The following PIWIL1 variants were observed in gnomAD, a reference collection of about 807,000 sequenced individuals.
PIWIL1 encodes piwi-like protein 1.
A neutral mutation model predicts 114.4 loss-of-function variants in PIWIL1; 73 were observed. The observed-to-expected ratio is 0.64, with a 90% CI of 0.53 to 0.78. The LOEUF is 0.78. Ranked by LOEUF, PIWIL1 falls within the 30% of genes least tolerant of loss-of-function variation. The probability of loss-of-function intolerance (pLI) is 0.00; values close to 1 mark genes in which losing one functional copy is unlikely to be tolerated. For synonymous variants in PIWIL1, 375 were observed against 369.0 expected, an observed-to-expected ratio of 1.02 and a Z score of -0.19; for missense variants, 723 against 1,063.1, an observed-to-expected ratio of 0.68 and a Z score of 4.45.
chr12:130,377,523 A>G (rs1162320918), downstream of PIWIL1, among the ~76,000 whole-genome samples: 3 of 152,226 alleles, frequency 2.0e-5, no homozygotes, highest in Non-Finnish European at 2.9e-5. Flanking sequence ...CCGTCCAGAC[A>G]GGCGAAAAAG....
chr12:130,346,062 C>T (rs2073060889), intron 4 of PIWIL1, among the ~76,000 whole-genome samples, 184 bp downstream of exon 4: 4 of 152,314 alleles, frequency 2.6e-5, no homozygotes, highest in Middle Eastern at 3.4e-3. Context: ...TTTGAAACGT[C>T]ATCTCATTAA....
the PIWIL1 span, among the ~76,000 whole-genome samples, chr12:130,411,925 G>C: frequency 6.6e-6 from 1 of 152,044 alleles, no homozygotes. Flanking sequence ...AGCTAATCAA[G>C]TTTTGAAGTA....
At position 130,362,864 on chromosome 12, in the gene PIWIL1, ACT is replaced by A. The variant is rs1565953604; in HGVS notation, c.2041+33_2041+34del. 4 of 1,611,654 alleles carry A rather than the reference ACT, an allele frequency of 2.5e-6. No homozygotes were observed. In the East Asian group the frequency reaches 8.9e-5, roughly 36 times the overall value. On this transcript the variant is annotated intron_variant, in intron 17 of 20. Coordinates refer to ENST00000245255, the MANE Select transcript of PIWIL1 (RefSeq NM_004764.5). ...TAGTCACCTGTGGGGTTGCCATTCT[ACT>A]CTCTAAACTGGGGTCTTCCAGAAAT...
At position 130,349,327 on chromosome 12, in the gene PIWIL1, C is replaced by T. The variant is rs1358760893; in HGVS notation, c.823C>T (p.Arg275Ter). The change falls in exon 8 of 21, where the codon CGA becomes TGA. Residue 275 changes from arginine (R) to a stop codon, truncating the protein, a stop_gained. Coordinates refer to ENST00000245255, the MANE Select transcript of PIWIL1 (RefSeq NM_004764.5). LOFTEE classifies it high-confidence loss of function. ...CACTGACGTTAGCCATAAAGTCCTTCGAAGTGAGACTGTTTTGGATTTCAT... is the reference window on the plus strand; with the variant it reads ...CACTGACGTTAGCCATAAAGTCCTTTGAAGTGAGACTGTTTTGGATTTCAT... ...LCTDVSHKVL[R>*]SETVLDFMFN... 3 of 1,613,614 alleles carry T rather than the reference C, an allele frequency of 1.9e-6. No homozygotes were observed. Among genetic ancestry groups the T allele is most frequent in the South Asian group, 2.2e-5 (2 of 91,070 alleles).
At chr12:130,391,854 G>A in the PIWIL1 span, among the ~76,000 whole-genome samples, 1 of 152,132 alleles carries the variant, frequency 6.6e-6, no homozygotes, top group African/African-American at 2.4e-5. Flanking sequence ...CCTGATAAGG[G>A]CCTGTGACCA....
chr12:130,398,328 T>C, the PIWIL1 span: 1 of 152,354 alleles, frequency 6.6e-6, no homozygotes, highest in African/African-American at 2.4e-5. Flanking sequence ...AGAGCAACTC[T>C]TGCCATGTGA....
Position 130,371,800 on chromosome 12 carries a change from T to C in PIWIL1, c.*202T>C. 2.9e-6 allele frequency: 1 copy of C among 349,734 alleles called. No homozygotes were observed. The highest frequency in any genetic ancestry group is 5.8e-5 in the South Asian group (1 of 17,180). 21.7% of individuals were successfully genotyped at this position (349,734 alleles called of 1,614,324 possible). A position where few individuals can be genotyped will look rare whatever the true frequency, so the allele number is the denominator to read the frequency against. Reference sequence around the variant, plus strand: ...AAAATTAAGATTTTATATTTTATCTTCTTGTTTCTCATAGATATTTTGTGA... The same window carrying C: ...AAAATTAAGATTTTATATTTTATCTCCTTGTTTCTCATAGATATTTTGTGA... On this transcript the variant is annotated 3_prime_UTR_variant, in exon 21 of 21. Coordinates refer to ENST00000245255, the MANE Select transcript of PIWIL1 (RefSeq NM_004764.5).
At position 130,339,083 on chromosome 12, in the gene PIWIL1, C is replaced by T. The variant is rs58405779; in HGVS notation, c.-13+937C>T. 8.4e-3 allele frequency among the ~76,000 whole-genome samples: 1,281 copies of T among 152,166 alleles called. 20 individuals are homozygous for T. Among genetic ancestry groups the T allele is most frequent in the African/African-American group, 0.03 (1,234 of 41,510 alleles). ...TGCGGAGGGCGAGGGCCCCTTCCCG[C>T]GTCCGCCGCCGCTGCGCTGCGCCCC... is the stretch of plus-strand genomic sequence containing the variant. On this transcript the variant is annotated intron_variant, in intron 1 of 20. Transcript: ENST00000245255.
In PIWIL1 at chr12:130,367,114, A is replaced by G. The variant is rs1472701789; in HGVS notation, c.2196-19A>G. ...AATATGACTGGCTAAATGCAGTTAC[A>G]TTCATCATCATTTTTAAGCCCTAGA... is the stretch of plus-strand genomic sequence containing the variant. On this transcript the variant is annotated intron_variant, in intron 18 of 20. Coordinates refer to ENST00000245255, the MANE Select transcript of PIWIL1 (RefSeq NM_004764.5). The G allele has an allele frequency of 1.2e-6, 2 of 1,612,942 alleles. No individual in the cohort carries two copies. Among genetic ancestry groups the G allele is most frequent in the Admixed American group, 1.7e-5 (1 of 59,914 alleles).
intron 19 of PIWIL1, among the ~76,000 whole-genome samples, chr12:130,370,857 G>A (rs1464996928): frequency 6.6e-6 from 1 of 152,202 alleles, no homozygotes; most frequent in African/African-American, 2.4e-5. Flanking sequence ...GGGGGTCGGG[G>A]TGGAAAACAG....
At chr12:130,417,349 C>G in the PIWIL1 span, among the ~76,000 whole-genome samples, 1 of 152,198 alleles carries the variant, frequency 6.6e-6, no homozygotes, top group Non-Finnish European at 1.5e-5. Context: ...AGATGCTCAT[C>G]AACAGTGGAT....
the PIWIL1 span, chr12:130,399,149 G>T: frequency 7.2e-7 from 1 of 1,396,786 alleles, no homozygotes; most frequent in Non-Finnish European, 9.4e-7. Context: ...GGTGTGAAAT[G>T]AACACTCTTC....
At chr12:130,372,915 G>C (rs1402563488), downstream of PIWIL1, among the ~76,000 whole-genome samples, 1 of 152,196 alleles carries the variant, frequency 6.6e-6, no homozygotes, top group East Asian at 1.9e-4. Context: ...AATGTGATGA[G>C]TGTAAGCTTT....
chr12:130,344,364 T>C (rs926782944), intron 3 of PIWIL1, among the ~76,000 whole-genome samples: 5 of 152,108 alleles, frequency 3.3e-5, no homozygotes, highest in Non-Finnish European at 7.4e-5. Flanking sequence ...AACAGTTACA[T>C]GTTTAAAGGA....
chr12:130,407,349 CTA>C, the PIWIL1 span, among the ~76,000 whole-genome samples: 1 of 152,226 alleles, frequency 6.6e-6, no homozygotes, highest in African/African-American at 2.4e-5. Context: ...CTCTACTGTT[CTA>C]TGTGTGGGGC....
chr12:130,417,090 C>G, the PIWIL1 span, among the ~76,000 whole-genome samples: 2 of 152,034 alleles, frequency 1.3e-5, no homozygotes, highest in East Asian at 3.9e-4. Context: ...AAAAAATAGA[C>G]GTTGGGGTGA....
chr12:130,368,578 A>T (rs1388931716), intron 19 of PIWIL1, among the ~76,000 whole-genome samples: 1 of 152,318 alleles, frequency 6.6e-6, no homozygotes, highest in African/African-American at 2.4e-5. Flanking sequence ...GGTTAGAAGG[A>T]TTCTAGCCTA....
the PIWIL1 span, among the ~76,000 whole-genome samples, chr12:130,409,023 G>T: frequency 6.6e-6 from 1 of 152,196 alleles, no homozygotes. Flanking sequence ...CTCCTCCAGA[G>T]GTTCGTGTTT....
chr12:130,422,657 G>T, the PIWIL1 span: 1 of 857,380 alleles, frequency 1.2e-6, no homozygotes, highest in East Asian at 2.7e-5. The surrounding 1 kb of genome is among the most constrained non-coding windows in gnomAD (Gnocchi z 5.2). Context: ...AGCAGAATCT[G>T]TAAAGGCAAC....
Sources: allele counts gnomAD v4.1 joint callset (sites outside exome capture counted in the v4.1 genomes callset), GRCh38; gene constraint gnomAD v4.1.1; non-coding constraint Gnocchi (gnomAD v3.1); transcripts MANE v1.5; gene names NCBI Gene and HGNC (gene_info 2026-07-23, HGNC 2026-07-21).